Variants in AHCY observed in about 807,000 individuals in gnomAD.
The protein encoded by AHCY is adenosylhomocysteinase.
In AHCY, 24 loss-of-function variants were observed where a neutral mutation model predicts 45.4. The observed-to-expected ratio is 0.53, with a 90% CI of 0.38 to 0.74. AHCY has a LOEUF of 0.74. Ranked by LOEUF, AHCY falls within the 30% of genes least tolerant of loss-of-function variation. The pLI is 0.00. For missense variants in AHCY, 449 were observed against 594.1 expected, an observed-to-expected ratio of 0.76 and a Z score of 2.54; for synonymous variants, 245 against 235.1, an observed-to-expected ratio of 1.04 and a Z score of -0.39.
Position 34,294,165 on chromosome 20 carries a change from G to A in AHCY, c.220-9C>T. 5 of 1,612,516 alleles carry A rather than the reference G, an allele frequency of 3.1e-6. No homozygotes were observed. The East Asian group carries it at 6.7e-5, about 22-fold the overall frequency. On this transcript the variant is annotated splice_polypyrimidine_tract_variant and intron_variant, in intron 2 of 9. Coordinates refer to ENST00000217426, the MANE Select transcript of AHCY (RefSeq NM_000687.4). ...CAGCTGGACCACTGCACCTAGAAGA[G>A]CCATCAAAACAAGGCTGTTGGTCAC...
At chr20:34,302,586 C>A (rs2036814765) in intron 1 of AHCY, 3 of 982,894 alleles carry the variant, frequency 3.1e-6, no homozygotes, top group East Asian at 1.1e-4. Flanking sequence ...ACAGGAAACA[C>A]TAAGTAAACG....
chr20:34,261,204 G>A, the AHCY span, among the ~76,000 whole-genome samples: 13 of 152,298 alleles, frequency 8.5e-5, no homozygotes, highest in South Asian at 2.7e-3. Flanking sequence ...GCTAGGAAAC[G>A]AGGATATTTG....
chr20:34,284,164 G>A (rs1207734632), intron 9 of AHCY, among the ~76,000 whole-genome samples: 2 of 151,876 alleles, frequency 1.3e-5, no homozygotes, highest in Admixed American at 6.6e-5. Context: ...GCTTAGGGAT[G>A]TATCTTTTTT....
intron 8 of AHCY, among the ~76,000 whole-genome samples, chr20:34,289,722 C>T (rs2036309107): frequency 6.6e-6 from 1 of 152,036 alleles, no homozygotes; most frequent in Non-Finnish European, 1.5e-5. Flanking sequence ...ATGTGATCCG[C>T]CCGCCTCGAC....
chr20:34,303,366 G>A, upstream of AHCY: 4 of 1,511,394 alleles, frequency 2.6e-6, no homozygotes, highest in East Asian at 7.4e-5. Context: ...ATATGCGCGT[G>A]GCGCCGACGC....
chr20:34,290,445 A>T lies in AHCY; in HGVS notation c.859T>A (p.Phe287Ile). 6.2e-7 allele frequency: 1 copy of T among 1,614,234 alleles called. No homozygotes were observed. The highest frequency in any genetic ancestry group is 1.7e-5 in the Admixed American group (1 of 60,032). Reference sequence around the variant, plus strand: ...ATGGCATCATCCTTCATCTGCTCAAAGTGCCTGTCAGGCAGCCCAAGACCG... The same window carrying T: ...ATGGCATCATCCTTCATCTGCTCAATGTGCCTGTCAGGCAGCCCAAGACCG... ...GCIDIILGRH[F>I]EQMKDDAIVC... Residue 287 changes from phenylalanine (F) to isoleucine (I), a missense_variant, in exon 8 of 10, where the codon TTT becomes ATT. Coordinates refer to ENST00000217426, the MANE Select transcript of AHCY (RefSeq NM_000687.4). This position sits in a 1 kb window ranked among gnomAD's most constrained non-coding sequence, Gnocchi z 4.5.
chr20:34,252,677 C>G, the AHCY span, among the ~76,000 whole-genome samples: 1 of 152,158 alleles, frequency 6.6e-6, no homozygotes, highest in Non-Finnish European at 1.5e-5. Flanking sequence ...CACTACTCCC[C>G]CTCAGCACAG....
At chr20:34,307,144 G>A (rs940569149), upstream of AHCY, among the ~76,000 whole-genome samples, 2 of 148,598 alleles carry the variant, frequency 1.3e-5, no homozygotes, top group Non-Finnish European at 3.0e-5. Context: ...TTGAGACAGG[G>A]TCTGCTATCT....
Position 34,290,577 on chromosome 20 carries a change from T to C in AHCY, c.828A>G (p.Thr276=), listed in dbSNP as rs2036344840. 1 of 1,614,200 alleles carries C rather than the reference T, an allele frequency of 6.2e-7. No homozygotes were observed. Residue 276 remains threonine, a synonymous_variant, in exon 7 of 10, where the codon ACA becomes ACG. Transcript: ENST00000217426. The surrounding 1 kb of genome is among the most constrained non-coding windows in gnomAD (Gnocchi z 4.5). ...GGCCAAGGATGATGTCAATACAGCC[T>C]GTGGTGGTGACAAAGATGTTGCCCT... ...CQEGNIFVTT[T]GCIDIILGRH...
At position 34,295,533 on chromosome 20, in the gene AHCY, G is replaced by A. The variant is rs767630642; in HGVS notation, c.81C>T (p.Asn27=). The A allele has an allele frequency of 1.1e-5, 18 of 1,614,124 alleles. No homozygotes were observed. The highest frequency in any genetic ancestry group is 6.7e-5 in the Admixed American group (4 of 60,018). ...WGRKALDIAE[N]EMPGLMRMRE... ...GCATACGCATCAGGCCCGGCATCTC[G>A]TTCTCAGCAATGTCCAGGGCCTTGC... The change falls in exon 2 of 10, where the codon AAC becomes AAT. Residue 27 remains asparagine, a synonymous_variant. Transcript: ENST00000217426.
the AHCY span, among the ~76,000 whole-genome samples, chr20:34,253,194 C>T: frequency 1.3e-5 from 2 of 151,664 alleles, no homozygotes; most frequent in African/African-American, 4.8e-5. Context: ...CAAGCTCTGC[C>T]TCTTGGGTTC....
downstream of AHCY, among the ~76,000 whole-genome samples, chr20:34,278,597 A>C (rs909096741): frequency 2.0e-5 from 3 of 152,114 alleles, no homozygotes; most frequent in Non-Finnish European, 4.4e-5. Context: ...GGGAAATCTG[A>C]ATCCAGGCTC....
the AHCY span, among the ~76,000 whole-genome samples, chr20:34,267,845 A>T: frequency 7.4e-5 from 9 of 121,380 alleles, no homozygotes; most frequent in African/African-American, 6.0e-4. Context: ...ACCATATTTA[A>T]AAAAAAAAAA....
chr20:34,289,679 T>C (rs1196820564), intron 8 of AHCY, among the ~76,000 whole-genome samples: 1 of 151,808 alleles, frequency 6.6e-6, no homozygotes, highest in Non-Finnish European at 1.5e-5. Flanking sequence ...GGTTTCATCA[T>C]ATTGGTCAGG....
downstream of AHCY, among the ~76,000 whole-genome samples, chr20:34,276,233 A>C (rs926527471): frequency 1.3e-5 from 2 of 152,248 alleles, no homozygotes; most frequent in Non-Finnish European, 2.9e-5. Context: ...AATGCACACT[A>C]TAAGGCCTCA....
At chr20:34,271,955 A>T in the AHCY span, among the ~76,000 whole-genome samples, 1 of 152,120 alleles carries the variant, frequency 6.6e-6, no homozygotes, top group Non-Finnish European at 1.5e-5. Context: ...CAACAGAAAG[A>T]ACTCTAGCTA....
intron 1 of AHCY, chr20:34,302,010 T>G (rs1464407617): frequency 4.5e-5 from 44 of 983,634 alleles, no homozygotes; most frequent in East Asian, 2.3e-4. Flanking sequence ...TTGTTTGTTT[T>G]TTTTTTTTGA....
chr20:34,299,414 T>C (rs2122809665), intron 1 of AHCY, among the ~76,000 whole-genome samples: 1 of 152,344 alleles, frequency 6.6e-6, no homozygotes, highest in East Asian at 1.9e-4. Context: ...GACTGTCCTG[T>C]GCTTTTCCAC....
chr20:34,279,840 A>C (rs1304962047), downstream of AHCY, among the ~76,000 whole-genome samples: 2 of 151,986 alleles, frequency 1.3e-5, no homozygotes, highest in African/African-American at 4.8e-5. Context: ...AATACTGCAA[A>C]CAGCCGGGCA....
Sources: allele counts gnomAD v4.1 joint callset (sites outside exome capture counted in the v4.1 genomes callset), GRCh38; gene constraint gnomAD v4.1.1; non-coding constraint Gnocchi (gnomAD v3.1); transcripts MANE v1.5; gene names NCBI Gene and HGNC (gene_info 2026-07-23, HGNC 2026-07-21).